The following ATG7 variants were observed in gnomAD, a reference collection of about 807,000 sequenced individuals.
ATG7 encodes the protein ubiquitin-like modifier-activating enzyme ATG7.
Under a neutral mutation model 82.4 loss-of-function variants are expected in ATG7, and 70 were observed. The ratio of observed to expected loss-of-function variants is 0.85; its 90% CI spans 0.70 to 1.04. ATG7 has a LOEUF of 1.04. Ranked by LOEUF, ATG7 falls within the 50% of genes least tolerant of loss-of-function variation. The pLI is 0.00. For synonymous variants in ATG7, 287 were observed against 313.0 expected, an observed-to-expected ratio of 0.92 and a Z score of 0.88; for missense variants, 792 against 864.3, an observed-to-expected ratio of 0.92 and a Z score of 1.05.
chr3:11,477,766 T>C (rs2088426407), intron 20 of ATG7, among the ~76,000 whole-genome samples: 1 of 152,228 alleles, frequency 6.6e-6, no homozygotes, highest in Non-Finnish European at 1.5e-5. Context: ...GACTCAGGGC[T>C]AGGAACTGGG....
chr3:11,569,576 G>C, the ATG7 span, among the ~76,000 whole-genome samples: 1 of 152,258 alleles, frequency 6.6e-6, no homozygotes, highest in Non-Finnish European at 1.5e-5. Context: ...AAGGAGGAGG[G>C]GCCGGCACAG....
chr3:11,538,600 T>C (rs1417963215), intron 20 of ATG7, among the ~76,000 whole-genome samples: 1 of 145,834 alleles, frequency 6.9e-6, no homozygotes, highest in Non-Finnish European at 1.5e-5. Context: ...CCCAGCACTT[T>C]GGGAGGCCAA....
intron 6 of ATG7, chr3:11,308,351 A>C (rs1553607454): frequency 6.6e-6 from 1 of 152,434 alleles, no homozygotes; most frequent in Non-Finnish European, 1.5e-5. Context: ...TGCTGAGTAT[A>C]CATAAATTTG....
chr3:11,538,712 CA>C lies in ATG7; in HGVS notation c.2080-16084del, dbSNP rs34720305. Among the ~76,000 whole-genome samples the C allele has an allele frequency of 1.8e-3, 154 of 83,964 alleles. 1 individual carries two copies. Among genetic ancestry groups the C allele is most frequent in the Non-Finnish European group, 1.6e-3 (70 of 43,784 alleles). 55.1% of individuals were successfully genotyped at this position (83,964 alleles called of 152,430 possible). On this transcript the variant is annotated intron_variant, in intron 20 of 20. Coordinates refer to ENST00000693202, the MANE Select transcript of ATG7 (RefSeq NM_001349232.2). ...AAAAAAAAAAAAAAAAAAAATTAGC[CA>C]AAAAAAAAAAAAAAGCCAGATGTGG...
At chr3:11,568,864 C>T in the ATG7 span, 9 of 1,370,832 alleles carry the variant, frequency 6.6e-6, no homozygotes, top group Admixed American at 3.2e-5. The surrounding 1 kb of genome is among the most constrained non-coding windows in gnomAD (Gnocchi z 5.9). Flanking sequence ...CTATCAGAGC[C>T]GCTGAGGCTG....
chr3:11,370,366 G>A (rs2076913076), intron 18 of ATG7, among the ~76,000 whole-genome samples: 1 of 151,124 alleles, frequency 6.6e-6, no homozygotes, highest in Admixed American at 6.6e-5. Flanking sequence ...TGGGTCAGTG[G>A]TGGGAGCTGA....
intron 17 of ATG7, 90 bp downstream of exon 17, chr3:11,363,018 C>A: frequency 8.8e-7 from 1 of 1,136,106 alleles, no homozygotes; most frequent in Non-Finnish European, 1.3e-6. Context: ...CTCAGTCTGA[C>A]TTTACAGAGA....
chr3:11,564,929 C>A, the ATG7 span: 2 of 1,591,646 alleles, frequency 1.3e-6, no homozygotes, highest in Non-Finnish European at 1.7e-6. Context: ...GGCTGCCGTG[C>A]AGGCTCATGG....
chr3:11,567,015 C>T, the ATG7 span, among the ~76,000 whole-genome samples: 1 of 152,142 alleles, frequency 6.6e-6, no homozygotes, highest in African/African-American at 2.4e-5. Context: ...GCATTCAAGC[C>T]TTTAGATGGA....
intron 6 of ATG7, 21 bp from the exon 7 acceptor site, chr3:11,308,963 A>G (rs766559420): frequency 6.2e-7 from 1 of 1,607,032 alleles, no homozygotes; most frequent in Non-Finnish European, 8.5e-7. Context: ...ACCTGCCTTG[A>G]TGCTTTTCTT....
intron 3 of ATG7, among the ~76,000 whole-genome samples, chr3:11,294,017 CAAAAAAA>C (rs148344958): frequency 1.4e-3 from 135 of 98,428 alleles, no homozygotes; most frequent in African/African-American, 5.2e-3. Flanking sequence ...GACTCCGTCT[CAAAAAAA>C]AAAAAAAAAA....
chr3:11,460,018 C>G (rs2086152094), intron 20 of ATG7, among the ~76,000 whole-genome samples: 1 of 152,202 alleles, frequency 6.6e-6, no homozygotes, highest in Admixed American at 6.5e-5. Flanking sequence ...ATTTATCTTA[C>G]TGCAGTCACA....
intron 20 of ATG7, among the ~76,000 whole-genome samples, chr3:11,515,028 A>G (rs1049462421): frequency 6.6e-6 from 1 of 151,832 alleles, no homozygotes; most frequent in African/African-American, 2.4e-5. Flanking sequence ...TTTAGTAGAG[A>G]CAGGGTTTCA....
In ATG7 at chr3:11,417,800, A is replaced by ATTATTTTTTTTTTTTTTTTT. The variant is rs1553652380; in HGVS notation, c.1957-9002_1957-9001insATTTTTTTTTTTTTTTTTTT. Among the ~76,000 whole-genome samples, 13 of 109,358 alleles carry ATTATTTTTTTTTTTTTTTTT rather than the reference A, an allele frequency of 1.2e-4. 1 individual carries two copies. The highest frequency in any genetic ancestry group is 5.4e-4 in the Admixed American group (5 of 9,334). The allele number at this position is 109,358 out of a possible 152,430, so 71.7% of individuals were successfully genotyped here. A position where few individuals can be genotyped will look rare whatever the true frequency, so the allele number is the denominator to read the frequency against. ...CATTTAAAAAATTATTATTATTATT[A>ATTATTTTTTTTTTTTTTTTT]TTTTATTTTATTTTATTTTTTTTTT... On this transcript the variant is annotated intron_variant, in intron 19 of 20. Coordinates refer to ENST00000693202, the MANE Select transcript of ATG7 (RefSeq NM_001349232.2).
Position 11,395,298 on chromosome 3 carries a change from AAAG to A in ATG7, c.1956+15249_1956+15251del, listed in dbSNP as rs546351848. Among the ~76,000 whole-genome samples, 8 of 152,344 alleles carry A rather than the reference AAAG, an allele frequency of 5.3e-5. No individual in the cohort carries two copies. In the East Asian group the frequency reaches 1.3e-3, roughly 26 times the overall value. On this transcript the variant is annotated intron_variant, in intron 19 of 20. Coordinates refer to ENST00000693202, the MANE Select transcript of ATG7 (RefSeq NM_001349232.2). The stretch of plus-strand genomic sequence containing the variant: ...CAGTCATAATTGGAAATCTAGAAAA[AAAG>A]AAATAATGGTTCTATAGCAACATTG...
chr3:11,490,790 A>G (rs923245746), intron 20 of ATG7, among the ~76,000 whole-genome samples: 1 of 152,180 alleles, frequency 6.6e-6, no homozygotes, highest in African/African-American at 2.4e-5. Flanking sequence ...AAGAATGTTG[A>G]ATATTGGCCC....
chr3:11,505,580 G>A (rs1193094392), intron 20 of ATG7, among the ~76,000 whole-genome samples: 1 of 152,184 alleles, frequency 6.6e-6, no homozygotes, highest in African/African-American at 2.4e-5. Context: ...TCCTTTACAA[G>A]TCCTTACCTC....
chr3:11,291,462 TATC>T, intron 3 of ATG7, among the ~76,000 whole-genome samples: 1 of 152,314 alleles, frequency 6.6e-6, no homozygotes, highest in Non-Finnish European at 1.5e-5. Context: ...AGACCCGGGT[TATC>T]ATCTCAGCTC....
chr3:11,540,963 A>C (rs1193236721), intron 20 of ATG7, among the ~76,000 whole-genome samples: 2 of 147,342 alleles, frequency 1.4e-5, no homozygotes, highest in Non-Finnish European at 3.0e-5. Context: ...GCAGTGGTGC[A>C]ATCTTGGCTC....
Sources: allele counts gnomAD v4.1 joint callset (sites outside exome capture counted in the v4.1 genomes callset), GRCh38; gene constraint gnomAD v4.1.1; non-coding constraint Gnocchi (gnomAD v3.1); transcripts MANE v1.5; gene names NCBI Gene and HGNC (gene_info 2026-07-23, HGNC 2026-07-21).